NALF1: variants seen among roughly 807,000 people sequenced by gnomAD.
NALF1 encodes the protein family with sequence similarity 155 member A.
NALF1 carries 3 observed loss-of-function variants against 48.4 expected under a neutral mutation model. That is an observed-to-expected ratio of 0.06 (90% CI 0.03 to 0.16). The LOEUF (loss-of-function observed/expected upper bound fraction) is 0.16. Among genes scored for constraint, NALF1 ranks in the 10% least tolerant of loss-of-function variants. NALF1 has a pLI of 1.00. For missense variants in NALF1, 526 were observed against 571.5 expected (o/e 0.92, Z 0.81); for synonymous variants, 262 against 245.7 (o/e 1.07, Z -0.62).
At chr13:107,258,297 T>C (rs985663390) in intron 1 of NALF1, among the ~76,000 whole-genome samples, 5 of 152,184 alleles carry the variant, frequency 3.3e-5, no homozygotes, top group African/African-American at 1.2e-4. Flanking sequence ...TAATTTTAGA[T>C]TGCTAAATCT....
chr13:107,327,410 C>G (rs373979643), intron 1 of NALF1, among the ~76,000 whole-genome samples: 9 of 152,328 alleles, frequency 5.9e-5, no homozygotes, highest in African/African-American at 2.2e-4. Context: ...TTTTATAAAA[C>G]CAATTCAGTA....
chr13:107,177,181 C>T (rs2138770141), intron 2 of NALF1, among the ~76,000 whole-genome samples: 1 of 152,078 alleles, frequency 6.6e-6, no homozygotes, highest in African/African-American at 2.4e-5. Context: ...AAGATCTCTA[C>T]AGTAAAAACT....
chr13:107,306,774 G>T (rs1881944748), intron 1 of NALF1, among the ~76,000 whole-genome samples: 1 of 152,102 alleles, frequency 6.6e-6, no homozygotes. Context: ...GACCCACCTG[G>T]GCAACGTGGT....
chr13:107,562,672 T>G (rs972858790), intron 1 of NALF1, among the ~76,000 whole-genome samples: 1 of 152,202 alleles, frequency 6.6e-6, no homozygotes, highest in Non-Finnish European at 1.5e-5. Context: ...ACAAACATAA[T>G]GCCATTTGTT....
intron 1 of NALF1, among the ~76,000 whole-genome samples, chr13:107,565,503 C>T (rs899921476): frequency 2.0e-5 from 3 of 151,372 alleles, no homozygotes. Flanking sequence ...AAAACAAAAA[C>T]TCTATTTTCC....
intron 1 of NALF1, among the ~76,000 whole-genome samples, chr13:107,345,466 C>G (rs1882754751): frequency 6.6e-6 from 1 of 151,890 alleles, no homozygotes; most frequent in South Asian, 2.1e-4. Context: ...AGACATAGAC[C>G]AAAAGAACAC....
intron 1 of NALF1, among the ~76,000 whole-genome samples, chr13:107,679,334 G>A (rs1209435677): frequency 6.6e-6 from 1 of 152,056 alleles, no homozygotes; most frequent in Non-Finnish European, 1.5e-5. Flanking sequence ...AGGATACAAA[G>A]TGTTTTTCTC....
intron 1 of NALF1, among the ~76,000 whole-genome samples, chr13:107,714,669 T>C (rs1875700307): frequency 6.6e-6 from 1 of 151,264 alleles, no homozygotes; most frequent in African/African-American, 2.4e-5. Flanking sequence ...CTTTTTAATC[T>C]GAACAGAGCA....
chr13:107,265,999 T>C (rs1881031375), intron 1 of NALF1, among the ~76,000 whole-genome samples: 1 of 152,202 alleles, frequency 6.6e-6, no homozygotes. Flanking sequence ...TCTCTCAAGC[T>C]TCCTGAAAAT....
At chr13:107,240,018 T>A (rs1381126582) in intron 1 of NALF1, among the ~76,000 whole-genome samples, 2 of 152,168 alleles carry the variant, frequency 1.3e-5, no homozygotes, top group African/African-American at 4.8e-5. Flanking sequence ...AAAGTTAATT[T>A]CTGTTGGTAG....
At chr13:107,717,201 G>A (rs1875848326) in intron 1 of NALF1, among the ~76,000 whole-genome samples, 1 of 152,148 alleles carries the variant, frequency 6.6e-6, no homozygotes, top group African/African-American at 2.4e-5. Context: ...GAATAAACAT[G>A]AGTAAAATCT....
intron 1 of NALF1, among the ~76,000 whole-genome samples, chr13:107,369,535 T>G (rs1266271411): frequency 6.6e-6 from 1 of 152,060 alleles, no homozygotes; most frequent in East Asian, 1.9e-4. Context: ...AATAATAAGT[T>G]TAATAGATTA....
intron 1 of NALF1, among the ~76,000 whole-genome samples, chr13:107,853,130 G>A (rs1880359697): frequency 6.6e-6 from 1 of 152,142 alleles, no homozygotes; most frequent in African/African-American, 2.4e-5. Flanking sequence ...GTTGAGTGCT[G>A]TATAGTGTCT....
At chr13:107,557,583 T>A (rs1169191966) in intron 1 of NALF1, among the ~76,000 whole-genome samples, 1 of 152,176 alleles carries the variant, frequency 6.6e-6, no homozygotes, top group Non-Finnish European at 1.5e-5. Context: ...GCTCTGTCTC[T>A]GCTGCTCTGG....
intron 1 of NALF1, among the ~76,000 whole-genome samples, chr13:107,645,600 G>C (rs1433720718): frequency 1.3e-5 from 2 of 150,878 alleles, no homozygotes; most frequent in African/African-American, 4.9e-5. Context: ...CAGAGAGCCT[G>C]GGTAGTTTTC....
chr13:107,810,925 C>A (rs1029164636), intron 1 of NALF1, among the ~76,000 whole-genome samples: 1 of 152,152 alleles, frequency 6.6e-6, no homozygotes, highest in African/African-American at 2.4e-5. Flanking sequence ...AGATTAACTT[C>A]TGTACAATTC....
At chr13:107,372,384 T>G (rs1267964248) in intron 1 of NALF1, among the ~76,000 whole-genome samples, 1 of 152,244 alleles carries the variant, frequency 6.6e-6, no homozygotes, top group East Asian at 1.9e-4. Flanking sequence ...ATGCCAGCCA[T>G]GAATATTGCA....
At chr13:107,573,263 TCTTA>T (rs1203120449) in intron 1 of NALF1, among the ~76,000 whole-genome samples, 7 of 152,196 alleles carry the variant, frequency 4.6e-5, no homozygotes, top group African/African-American at 1.7e-4. Flanking sequence ...ATACTTCTGC[TCTTA>T]TTTATCTAAT....
At chr13:107,667,538 A>G (rs1310544638) in intron 1 of NALF1, among the ~76,000 whole-genome samples, 1 of 152,096 alleles carries the variant, frequency 6.6e-6, no homozygotes, top group African/African-American at 2.4e-5. Context: ...TAATTATGTG[A>G]GCATTCAAAC....
Sources: allele counts gnomAD v4.1 joint callset (sites outside exome capture counted in the v4.1 genomes callset), GRCh38; gene constraint gnomAD v4.1.1; transcripts MANE v1.5; gene names NCBI Gene and HGNC (gene_info 2026-07-23, HGNC 2026-07-21).